ESRRG: variants seen among roughly 807,000 people sequenced by gnomAD.
ESRRG encodes estrogen related receptor gamma.
In ESRRG, 13 loss-of-function variants were observed where a neutral mutation model predicts 44.0. That is an observed-to-expected ratio of 0.30 (90% CI 0.19 to 0.47). The LOEUF is 0.47. ESRRG is among the 20% of genes least tolerant of loss of function. The probability of loss-of-function intolerance (pLI) is 1.00; values close to 1 mark genes in which losing one functional copy is unlikely to be tolerated. For missense variants in ESRRG, 395 were observed against 580.6 expected (o/e 0.68, Z 3.29); for synonymous variants, 215 against 214.6 (o/e 1.00, Z -0.02).
At chr1:216,694,464 T>G (rs1361083261) in intron 1 of ESRRG, among the ~76,000 whole-genome samples, 1 of 152,264 alleles carries the variant, frequency 6.6e-6, no homozygotes, top group East Asian at 1.9e-4. Flanking sequence ...TTGTAGGTAA[T>G]GGGAAGCTAC....
intron 3 of ESRRG, among the ~76,000 whole-genome samples, chr1:216,588,457 AT>A (rs945297270): frequency 2.6e-5 from 4 of 152,188 alleles, no homozygotes; most frequent in African/African-American, 9.6e-5. Context: ...AATAACTATA[AT>A]TTTATGGCCT....
upstream of ESRRG, among the ~76,000 whole-genome samples, chr1:217,093,683 C>A (rs995224074): frequency 6.6e-6 from 1 of 151,668 alleles, no homozygotes; most frequent in African/African-American, 2.4e-5. Flanking sequence ...ACTCAGAAGG[C>A]TGAGGCAAGA....
intron 1 of ESRRG, among the ~76,000 whole-genome samples, chr1:217,006,715 T>A (rs924164050): frequency 3.3e-5 from 5 of 152,134 alleles, no homozygotes; most frequent in African/African-American, 1.2e-4. Context: ...TACAATATTT[T>A]AAATTATTTT....
intron 2 of ESRRG, among the ~76,000 whole-genome samples, chr1:216,860,251 G>A (rs906213305): frequency 3.3e-5 from 5 of 152,046 alleles, no homozygotes; most frequent in Admixed American, 1.3e-4. Context: ...GTGACAGAGC[G>A]AGACTCTGTC....
At chr1:216,713,531 T>C (rs1250469799) in intron 1 of ESRRG, among the ~76,000 whole-genome samples, 3 of 152,184 alleles carry the variant, frequency 2.0e-5, no homozygotes, top group Non-Finnish European at 2.9e-5. Context: ...TGGATTGACA[T>C]AGGGCATAAC....
intron 1 of ESRRG, among the ~76,000 whole-genome samples, chr1:217,126,676 C>A (rs912684362): frequency 1.3e-5 from 2 of 152,094 alleles, no homozygotes; most frequent in African/African-American, 4.8e-5. Flanking sequence ...TATAGACACA[C>A]CTACAAAGGG....
chr1:217,004,634 C>T (rs1412610995), intron 1 of ESRRG, among the ~76,000 whole-genome samples: 1 of 152,142 alleles, frequency 6.6e-6, no homozygotes, highest in Non-Finnish European at 1.5e-5. Flanking sequence ...AGGTTCCCCC[C>T]AAATATGGTA....
At chr1:216,563,064 T>C (rs1573036025) in intron 5 of ESRRG, among the ~76,000 whole-genome samples, 2 of 152,332 alleles carry the variant, frequency 1.3e-5, no homozygotes, top group South Asian at 4.1e-4. Flanking sequence ...GTAGGTGTCT[T>C]CTAAAGAATA....
At chr1:217,014,290 T>A (rs558059219) in intron 1 of ESRRG, among the ~76,000 whole-genome samples, 17 of 152,216 alleles carry the variant, frequency 1.1e-4, no homozygotes, top group African/African-American at 4.1e-4. Flanking sequence ...TTGCAGAGAC[T>A]AAGGCTTTAT....
In ESRRG at chr1:216,596,427, A is replaced by G. The variant is rs2058450312; in HGVS notation, c.590-28329T>C. On this transcript the variant is annotated intron_variant, in intron 3 of 6. Coordinates refer to ENST00000408911, the MANE Select transcript of ESRRG (RefSeq NM_001438.4). ...AGGAGGATGTTTGAAAGGGATTGAA[A>G]CTGACCTAGGGAGCCTCCCGTGGAA... 2.0e-5 allele frequency among the ~76,000 whole-genome samples: 3 copies of G among 152,116 alleles called. No individual in the cohort carries two copies. In the South Asian group the frequency reaches 6.2e-4, roughly 32 times the overall value.
intron 1 of ESRRG, among the ~76,000 whole-genome samples, chr1:216,967,149 C>T (rs1042738997): frequency 2.0e-5 from 3 of 151,686 alleles, no homozygotes; most frequent in Non-Finnish European, 4.4e-5. Context: ...CGCCTACCTA[C>T]CCTCCACATA....
intron 2 of ESRRG, among the ~76,000 whole-genome samples, chr1:216,891,493 C>T (rs1039302291): frequency 6.6e-6 from 1 of 152,206 alleles, no homozygotes; most frequent in Non-Finnish European, 1.5e-5. Flanking sequence ...CACATACACA[C>T]GTACATATTA....
intron 1 of ESRRG, among the ~76,000 whole-genome samples, chr1:216,683,271 A>G (rs1249327424): frequency 6.6e-6 from 1 of 152,148 alleles, no homozygotes. Flanking sequence ...GTGAATCCTG[A>G]CCCACACGCT....
At chr1:216,657,787 C>T (rs1217641328) in intron 2 of ESRRG, among the ~76,000 whole-genome samples, 5 of 152,094 alleles carry the variant, frequency 3.3e-5, no homozygotes, top group Admixed American at 3.3e-4. Flanking sequence ...GTGCACAAGT[C>T]TCATGCTCTT....
intron 2 of ESRRG, among the ~76,000 whole-genome samples, chr1:216,675,615 AG>A (rs796120025): frequency 1.4e-4 from 22 of 152,334 alleles, no homozygotes; most frequent in African/African-American, 5.1e-4. Context: ...GGTCTAGAGC[AG>A]GGGGTCTAAA....
In ESRRG at chr1:216,507,789, T is replaced by C. The variant is rs557411647; in HGVS notation, c.1133-606A>G. ...ATCCTTACAGAGTCTACTTCCCTGA[T>C]GAAAAACAAATGGTGTCTTCAGATC... On this transcript the variant is annotated intron_variant, in intron 6 of 6. Transcript: ENST00000408911. 1.2e-3 allele frequency among the ~76,000 whole-genome samples: 183 copies of C among 152,340 alleles called. 2 individuals are homozygous for C. The highest frequency in any genetic ancestry group is 4.2e-3 in the African/African-American group (175 of 41,588).
chr1:216,967,916 C>T (rs1368731258), intron 1 of ESRRG, among the ~76,000 whole-genome samples: 6 of 152,070 alleles, frequency 3.9e-5, no homozygotes, highest in African/African-American at 9.7e-5. Flanking sequence ...GTATTGTCAG[C>T]GTCTTGGATT....
chr1:216,596,233 G>C (rs1375301918), intron 3 of ESRRG, among the ~76,000 whole-genome samples: 3 of 152,190 alleles, frequency 2.0e-5, no homozygotes, highest in African/African-American at 7.2e-5. Flanking sequence ...TTCTGTCACT[G>C]CGAGAGCTTT....
chr1:216,727,840 A>T (rs2152109530), upstream of ESRRG, among the ~76,000 whole-genome samples: 1 of 152,258 alleles, frequency 6.6e-6, no homozygotes, highest in East Asian at 1.9e-4. Context: ...TCTGGGGAGC[A>T]ACTGTCTCAC....
Sources: gnomAD v4.1 joint callset for allele counts (sites outside exome capture counted in the v4.1 genomes callset) on GRCh38, gnomAD v4.1.1 for gene constraint, MANE v1.5 for transcripts, NCBI Gene and HGNC (gene_info 2026-07-23, HGNC 2026-07-21) for gene names.